The following BMP3 variants were observed in gnomAD, a reference collection of about 807,000 sequenced individuals.
BMP3 encodes the protein bone morphogenetic protein 3 (osteogenic).
In BMP3, 23 loss-of-function variants were observed where a neutral mutation model predicts 38.1. The observed-to-expected ratio is 0.60, with a 90% CI of 0.43 to 0.86. The LOEUF is 0.86. BMP3 is among the 40% of genes least tolerant of loss of function. BMP3 has a pLI of 0.00. For synonymous variants in BMP3, 258 were observed against 225.7 expected (o/e 1.14, Z -1.28); for missense variants, 628 against 579.6 (o/e 1.08, Z -0.86).
rs565805985 is a variant in BMP3, at chr4:81,045,343, A to C, written c.317-395A>C. ...TTGCTGAGTTGTAACTGTTATTTAT[A>C]TGTTCTGGATACTAGATTTATCAAA... On this transcript the variant is annotated intron_variant, in intron 1 of 2. Transcript: ENST00000282701. 3.3e-5 allele frequency among the ~76,000 whole-genome samples: 5 copies of C among 152,126 alleles called. No homozygotes were observed. The South Asian group carries it at 1.0e-3, about 32-fold the overall frequency.
At chr4:81,048,854 A>G (rs954981102) in intron 2 of BMP3, among the ~76,000 whole-genome samples, 1 of 152,222 alleles carries the variant, frequency 6.6e-6, no homozygotes, top group African/African-American at 2.4e-5. Context: ...TCCAGTGGAT[A>G]TAGGAGTAGA....
intron 2 of BMP3, among the ~76,000 whole-genome samples, chr4:81,052,482 C>G (rs1189562230): frequency 6.6e-6 from 1 of 152,056 alleles, no homozygotes. Flanking sequence ...GTTAGTGGTC[C>G]CATTTGGCAT....
rs1740572109 is a variant in BMP3 at position 81,056,468 on chromosome 4, C to G, written c.*2932C>G. On this transcript the variant is annotated 3_prime_UTR_variant, in exon 3 of 3. Transcript: ENST00000282701. ...TCTCCTGCCTCAGCCTCCTGAGTAG[C>G]TGGGATTACAGGTGTCCGCCACCAT... 1 of 152,296 alleles carries G rather than the reference C, an allele frequency of 6.6e-6. No individual in the cohort carries two copies. The highest frequency in any genetic ancestry group is 1.5e-5 in the Non-Finnish European group (1 of 68,020). 9.4% of individuals were successfully genotyped at this position (152,296 alleles called of 1,614,324 possible). A position where few individuals can be genotyped will look rare whatever the true frequency, so the allele number is the denominator to read the frequency against.
chr4:81,047,444 A>G (rs537787298), intron 2 of BMP3, among the ~76,000 whole-genome samples: 1 of 152,212 alleles, frequency 6.6e-6, no homozygotes, highest in East Asian at 1.9e-4. Flanking sequence ...TTACAGTTTA[A>G]GTAGTACCCT....
At chr4:81,034,224 C>T (rs1270191314) in intron 1 of BMP3, among the ~76,000 whole-genome samples, 1 of 137,224 alleles carries the variant, frequency 7.3e-6, no homozygotes, top group East Asian at 2.2e-4. Flanking sequence ...TGTGCCAAAA[C>T]CGTAAGTTTG....
At chr4:81,036,013 G>T (rs2109902508) in intron 1 of BMP3, among the ~76,000 whole-genome samples, 1 of 151,916 alleles carries the variant, frequency 6.6e-6, no homozygotes, top group East Asian at 1.9e-4. Context: ...TTGGACTTGG[G>T]TTCAATTGGC....
chr4:81,053,145 G>A (rs1162011308), intron 2 of BMP3, among the ~76,000 whole-genome samples, 200 bp from the exon 3 acceptor site: 2 of 152,150 alleles, frequency 1.3e-5, no homozygotes, highest in Non-Finnish European at 2.9e-5. Flanking sequence ...AATATGCCTG[G>A]AATGCAGCAG....
At position 81,034,614 on chromosome 4, in the gene BMP3, C is replaced by G. The variant is rs17005028; in HGVS notation, c.316+3014C>G. The stretch of plus-strand genomic sequence containing the variant: ...ATGTTGTTAGGAAACTTTCACTATT[C>G]ATGACATGCACCCACCAAAATAGCA... On this transcript the variant is annotated intron_variant, in intron 1 of 2. Transcript: ENST00000282701. 5.4e-3 allele frequency among the ~76,000 whole-genome samples: 819 copies of G among 152,164 alleles called. 8 individuals carry two copies. Among genetic ancestry groups the G allele is most frequent in the African/African-American group, 0.019 (797 of 41,532 alleles).
In BMP3 at chr4:81,031,240, C is replaced by T; in HGVS notation, c.-45C>T. Reference sequence around the variant, plus strand: ...CCGGCTCCTTGCGCCTTCGGAGTGTCCCGCAGCGACGCCGGGAGCCGACGC... The same window carrying T: ...CCGGCTCCTTGCGCCTTCGGAGTGTTCCGCAGCGACGCCGGGAGCCGACGC... On this transcript the variant is annotated 5_prime_UTR_variant, in exon 1 of 3. Coordinates refer to ENST00000282701, the MANE Select transcript of BMP3 (RefSeq NM_001201.5). The T allele has an allele frequency of 1.3e-6, 2 of 1,523,632 alleles. No individual in the cohort carries two copies. The highest frequency in any genetic ancestry group is 2.4e-5 in the East Asian group (1 of 41,516). The allele number at this position is 1,523,632 out of a possible 1,614,324, so 94.4% of individuals were successfully genotyped here.
intron 2 of BMP3, among the ~76,000 whole-genome samples, chr4:81,049,939 C>T (rs1407741279): frequency 1.3e-5 from 2 of 152,166 alleles, no homozygotes; most frequent in African/African-American, 2.4e-5. Context: ...TTTGTTGGCC[C>T]TCCTTTCTTT....
At position 81,054,587 on chromosome 4, in the gene BMP3, T is replaced by C. The variant is rs914585032; in HGVS notation, c.*1051T>C. The C allele has an allele frequency of 5.9e-5, 9 of 152,194 alleles. No homozygotes were observed. The highest frequency in any genetic ancestry group is 1.9e-4 in the African/African-American group (8 of 41,448). The allele number at this position is 152,194 out of a possible 1,614,324, so 9.4% of individuals were successfully genotyped here. ...AACCATAACCAAATATTGAATATCA[T>C]TCTTCAGTCACATCTAAGTCAGGCA... On this transcript the variant is annotated 3_prime_UTR_variant, in exon 3 of 3. Transcript: ENST00000282701.
rs1216590927 is a variant in BMP3 at position 81,055,270 on chromosome 4, T to A, written c.*1734T>A. 1 of 152,210 alleles carries A rather than the reference T, an allele frequency of 6.6e-6. No homozygotes were observed. Among genetic ancestry groups the A allele is most frequent in the Non-Finnish European group, 1.5e-5 (1 of 68,044 alleles). The allele number at this position is 152,210 out of a possible 1,614,324, so 9.4% of individuals were successfully genotyped here. A position where few individuals can be genotyped will look rare whatever the true frequency, so the allele number is the denominator to read the frequency against. Reference sequence around the variant, plus strand: ...AGTATGGCATTCGCTTTGGTTTAAGTGGTATTTTATTGCAAACCCATTAAA... The same window carrying A: ...AGTATGGCATTCGCTTTGGTTTAAGAGGTATTTTATTGCAAACCCATTAAA... On this transcript the variant is annotated 3_prime_UTR_variant, in exon 3 of 3. Coordinates refer to ENST00000282701, the MANE Select transcript of BMP3 (RefSeq NM_001201.5).
At chr4:81,049,309 T>C (rs1388091902) in intron 2 of BMP3, among the ~76,000 whole-genome samples, 1 of 152,206 alleles carries the variant, frequency 6.6e-6, no homozygotes, top group African/African-American at 2.4e-5. Context: ...TAGTCCCTTT[T>C]CAAACATCAC....
rs3038534 is a variant in BMP3 at position 81,043,590 on chromosome 4, A to ATTTTTTTTTTT, written c.317-2143_317-2133dup. ...CCCAATGCTTATCAAGCATACTACA[A>ATTTTTTTTTTT]TTTTTTTTTTTTTTTGAGACAGCGT... On this transcript the variant is annotated intron_variant, in intron 1 of 2. Transcript: ENST00000282701. Among the ~76,000 whole-genome samples, 409 of 130,688 alleles carry ATTTTTTTTTTT rather than the reference A, an allele frequency of 3.1e-3. 5 individuals are homozygous for ATTTTTTTTTTT. The highest frequency in any genetic ancestry group is 9.4e-3 in the South Asian group (36 of 3,824). The allele number at this position is 130,688 out of a possible 152,430, so 85.7% of individuals were successfully genotyped here.
chr4:81,038,342 C>T (rs1050134608), intron 1 of BMP3, among the ~76,000 whole-genome samples: 1 of 152,126 alleles, frequency 6.6e-6, no homozygotes, highest in Non-Finnish European at 1.5e-5. Flanking sequence ...CAGGGGCCTA[C>T]AAAGCAAGTC....
At chr4:81,036,509 TA>T (rs1218938272) in intron 1 of BMP3, among the ~76,000 whole-genome samples, 2 of 152,074 alleles carry the variant, frequency 1.3e-5, no homozygotes, top group African/African-American at 4.8e-5. Context: ...TATATACTAA[TA>T]ATCAGTTAGT....
chr4:81,053,346 C>T lies in BMP3; in HGVS notation c.1229C>T (p.Ser410Phe), dbSNP rs1740445048. The T allele has an allele frequency of 1.3e-6, 2 of 1,563,320 alleles. No homozygotes were observed. The highest frequency in any genetic ancestry group is 1.7e-6 in the Non-Finnish European group (2 of 1,159,160). Residue 410 changes from serine to phenylalanine, a missense_variant and splice_region_variant, in exon 3 of 3, where the codon TCT becomes TTT. By Grantham distance (155) the Ser-to-Phe change is radical. Coordinates refer to ENST00000282701, the MANE Select transcript of BMP3 (RefSeq NM_001201.5). ...SGACQFPMPK[S>F]LKPSNHATIQ... Reference sequence around the variant, plus strand: ...TTCTTCTTTCATTTCTTTCTCTAGTCTTTGAAGCCATCAAATCATGCTACC... The same window carrying T: ...TTCTTCTTTCATTTCTTTCTCTAGTTTTTGAAGCCATCAAATCATGCTACC...
rs529438935 is a variant in BMP3, at chr4:81,053,703, G to A, written c.*167G>A. 6.4e-5 allele frequency: 27 copies of A among 421,960 alleles called. No individual in the cohort carries two copies. The South Asian group carries it at 2.3e-3, about 36-fold the overall frequency. The allele number at this position is 421,960 out of a possible 1,614,324, so 26.1% of individuals were successfully genotyped here. On this transcript the variant is annotated 3_prime_UTR_variant, in exon 3 of 3. Coordinates refer to ENST00000282701, the MANE Select transcript of BMP3 (RefSeq NM_001201.5). ...CAAATAGACTGAAGATTGCCACCAA[G>A]GAAAAGAACTGTATTTGTTTCTGAA...
intron 1 of BMP3, among the ~76,000 whole-genome samples, chr4:81,032,094 C>T (rs1739789000): frequency 6.6e-6 from 1 of 151,024 alleles, no homozygotes; most frequent in South Asian, 2.1e-4. Flanking sequence ...CTCCTTTTCT[C>T]CTTCCCCAGT....
Sources: allele counts gnomAD v4.1 joint callset (sites outside exome capture counted in the v4.1 genomes callset), GRCh38; gene constraint gnomAD v4.1.1; transcripts MANE v1.5; gene names NCBI Gene and HGNC (gene_info 2026-07-23, HGNC 2026-07-21).